RGS6: variants seen among roughly 807,000 people sequenced by gnomAD.
RGS6 encodes the protein regulator of G protein signaling 6, also known as regulator of G-protein signaling 6.
In RGS6, 30 loss-of-function variants were observed where a neutral mutation model predicts 78.5. The ratio of observed to expected loss-of-function variants is 0.38; its 90% CI spans 0.29 to 0.52. The LOEUF (loss-of-function observed/expected upper bound fraction) is 0.52, where lower values mean the gene tolerates loss of function less well. Ranked by LOEUF, RGS6 falls within the 20% of genes least tolerant of loss-of-function variation. The pLI is 0.85. For synonymous variants in RGS6, 206 were observed against 206.0 expected (o/e 1.00, Z 0.00); for missense variants, 495 against 609.7 (o/e 0.81, Z 1.98).
intron 2 of RGS6, among the ~76,000 whole-genome samples, chr14:72,216,709 A>T (rs1346611365): frequency 6.6e-6 from 1 of 152,180 alleles, no homozygotes; most frequent in African/African-American, 2.4e-5. Context: ...GTAGAAATAA[A>T]ATTGAAGAGC....
At chr14:72,349,738 C>G (rs1057109691) in intron 2 of RGS6, among the ~76,000 whole-genome samples, 2 of 152,178 alleles carry the variant, frequency 1.3e-5, no homozygotes, top group African/African-American at 4.8e-5. Flanking sequence ...GGTGAAATAA[C>G]TAAACTGAGT....
chr14:72,600,513 G>A, the RGS6 span, among the ~76,000 whole-genome samples: 1 of 151,882 alleles, frequency 6.6e-6, no homozygotes, highest in African/African-American at 2.4e-5. Flanking sequence ...ACGATAAGAG[G>A]CATTTAAGCT....
At chr14:72,324,880 A>T (rs1189212412) in intron 2 of RGS6, among the ~76,000 whole-genome samples, 1 of 152,180 alleles carries the variant, frequency 6.6e-6, no homozygotes, top group African/African-American at 2.4e-5. Context: ...CAGTAATGGG[A>T]TGGCTGGGTC....
chr14:72,334,837 C>A (rs2075738647), intron 2 of RGS6, among the ~76,000 whole-genome samples: 2 of 152,156 alleles, frequency 1.3e-5, no homozygotes, highest in African/African-American at 4.8e-5. Flanking sequence ...CTTCCCTTGG[C>A]TCTCAGAGAT....
At chr14:72,428,875 T>C (rs1351546739) in intron 3 of RGS6, among the ~76,000 whole-genome samples, 6 of 152,216 alleles carry the variant, frequency 3.9e-5, no homozygotes, top group African/African-American at 9.6e-5. Context: ...CACAAGTGTC[T>C]GGACCCCTCC....
At chr14:72,277,146 G>A (rs1274983013) in intron 2 of RGS6, among the ~76,000 whole-genome samples, 1 of 152,214 alleles carries the variant, frequency 6.6e-6, no homozygotes, top group Non-Finnish European at 1.5e-5. Context: ...CAAGCTGGAA[G>A]GTTTGTGAGC....
chr14:72,617,480 G>A, the RGS6 span, among the ~76,000 whole-genome samples: 2 of 152,064 alleles, frequency 1.3e-5, no homozygotes, highest in Non-Finnish European at 2.9e-5. Flanking sequence ...ACCAGCAGGC[G>A]GAAGGAAATT....
chr14:72,405,425 A>G (rs777486381), intron 3 of RGS6, among the ~76,000 whole-genome samples: 16 of 152,334 alleles, frequency 1.1e-4, no homozygotes, highest in Non-Finnish European at 2.2e-4. Context: ...AACTTCTGAA[A>G]GGACATCAAA....
chr14:72,546,885 G>A (rs72726175), intron 17 of RGS6, among the ~76,000 whole-genome samples: 3,548 of 152,350 alleles, frequency 0.023, 58 homozygotes, highest in Middle Eastern at 0.054. Flanking sequence ...GAGGTGACCT[G>A]CAGGCCTTCG....
intron 3 of RGS6, among the ~76,000 whole-genome samples, chr14:72,377,018 T>TA (rs2084918296): frequency 6.6e-6 from 1 of 151,768 alleles, no homozygotes; most frequent in African/African-American, 2.4e-5. Context: ...ACAAAACAAG[T>TA]AAAAAGAAAT....
At chr14:71,883,471 C>A in the RGS6 span, among the ~76,000 whole-genome samples, 1 of 152,212 alleles carries the variant, frequency 6.6e-6, no homozygotes, top group African/African-American at 2.4e-5. Context: ...AATTACCTGT[C>A]CTTAGACAAC....
the RGS6 span, among the ~76,000 whole-genome samples, chr14:72,574,660 C>A: frequency 6.6e-6 from 1 of 152,154 alleles, no homozygotes; most frequent in Non-Finnish European, 1.5e-5. Context: ...ACGTAACCAA[C>A]CTACTGTGAT....
chr14:72,371,560 G>A (rs761186381), intron 3 of RGS6, among the ~76,000 whole-genome samples: 12 of 152,120 alleles, frequency 7.9e-5, no homozygotes, highest in Non-Finnish European at 1.5e-4. Flanking sequence ...TTGGGAGTTC[G>A]AGACCAGCCT....
At chr14:72,237,769 G>A (rs1406386954) in intron 2 of RGS6, among the ~76,000 whole-genome samples, 1 of 152,168 alleles carries the variant, frequency 6.6e-6, no homozygotes, top group Non-Finnish European at 1.5e-5. Flanking sequence ...AGGTACAGGA[G>A]CTGGGGGAAT....
At chr14:72,471,903 A>G (rs766899490) in intron 8 of RGS6, among the ~76,000 whole-genome samples, 1 of 152,266 alleles carries the variant, frequency 6.6e-6, no homozygotes, top group Non-Finnish European at 1.5e-5. Context: ...ATCAAACAGC[A>G]TCACAAGTTA....
intron 2 of RGS6, among the ~76,000 whole-genome samples, chr14:72,203,530 C>T (rs767274463): frequency 6.6e-6 from 1 of 152,150 alleles, no homozygotes; most frequent in East Asian, 1.9e-4. Flanking sequence ...TTCAAGCTCA[C>T]ACATGTGGTT....
the RGS6 span, among the ~76,000 whole-genome samples, chr14:71,913,510 G>A: frequency 1.3e-5 from 2 of 152,362 alleles, no homozygotes; most frequent in African/African-American, 4.8e-5. Context: ...TGGCTCTCAT[G>A]TCCAGTAGTC....
chr14:72,327,149 T>C (rs2529476), intron 2 of RGS6, among the ~76,000 whole-genome samples: 43,849 of 152,122 alleles, frequency 0.29, 6,532 homozygotes, highest in South Asian at 0.39. Flanking sequence ...TTTTTATCTG[T>C]TAATTTTTTT....
At chr14:71,977,459 C>T (rs1443617915) in intron 2 of RGS6, among the ~76,000 whole-genome samples, 23 of 134,988 alleles carry the variant, frequency 1.7e-4, no homozygotes, top group African/African-American at 6.2e-4. Context: ...AGGAAGGGAT[C>T]CAGTTTCAGC....
Sources: allele counts gnomAD v4.1 joint callset (sites outside exome capture counted in the v4.1 genomes callset), GRCh38; gene constraint gnomAD v4.1.1; transcripts MANE v1.5; gene names NCBI Gene and HGNC (gene_info 2026-07-23, HGNC 2026-07-21).